The following NBR1 variants were observed in gnomAD, a reference collection of about 807,000 sequenced individuals.
NBR1 encodes next to BRCA1 gene 1 protein.
In NBR1, 59 loss-of-function variants were observed where a neutral mutation model predicts 115.5. That is an observed-to-expected ratio of 0.51 (90% confidence interval 0.41 to 0.63). The LOEUF is 0.63. NBR1 is among the 30% of genes least tolerant of loss of function. The pLI is 0.00. For missense variants in NBR1, 1,043 were observed against 1,150.5 expected (o/e 0.91, Z 1.35); for synonymous variants, 373 against 414.7 (o/e 0.90, Z 1.22).
chr17:43,191,354 G>C lies in NBR1; in HGVS notation c.864-18G>C, dbSNP rs1450996222. On this transcript the variant is annotated intron_variant, in intron 9 of 20. Coordinates refer to ENST00000590996, the MANE Select transcript of NBR1 (RefSeq NM_005899.5). ...TATTTGTGACTTTCTTTTAAGACTT[G>C]CTTTTATTATCTCACAGGCTCCAGA... 1 of 1,580,064 alleles carries C rather than the reference G, an allele frequency of 6.3e-7. No individual in the cohort carries two copies. Among genetic ancestry groups the C allele is most frequent in the Admixed American group, 1.7e-5 (1 of 57,800 alleles).
Position 43,171,310 on chromosome 17 carries a change from A to G in NBR1, c.-10+8A>G, listed in dbSNP as rs1164155858. The G allele has an allele frequency of 1.3e-5, 2 of 152,710 alleles. No homozygotes were observed. The highest frequency in any genetic ancestry group is 2.4e-5 in the African/African-American group (1 of 41,470). The allele number at this position is 152,710 out of a possible 1,614,324, so 9.5% of individuals were successfully genotyped here. ...CCCGGGGGCGGGAAGCTGGTAAGGA[A>G]GCAGCTGCGGTTACCTAGGGGTGGG... On this transcript the variant is annotated splice_region_variant and intron_variant, in intron 1 of 20. Transcript: ENST00000590996.
At chr17:43,185,308 C>G (rs899474511) in intron 5 of NBR1, among the ~76,000 whole-genome samples, 1 of 152,102 alleles carries the variant, frequency 6.6e-6, no homozygotes, top group African/African-American at 2.4e-5. Context: ...GCATAGTGAC[C>G]CAAACCTATG....
intron 16 of NBR1, among the ~76,000 whole-genome samples, chr17:43,197,751 T>A (rs1368406524): frequency 6.6e-6 from 1 of 152,182 alleles, no homozygotes; most frequent in African/African-American, 2.4e-5. Flanking sequence ...CAGAGACCCC[T>A]ATGGGTAGCT....
At chr17:43,191,613 T>C in intron 10 of NBR1, 32 bp downstream of exon 10, 1 of 1,478,412 alleles carries the variant, frequency 6.8e-7, no homozygotes, top group East Asian at 2.3e-5. Context: ...GAGCCAAAAC[T>C]TTAGGCCCAG....
intron 16 of NBR1, among the ~76,000 whole-genome samples, chr17:43,199,203 C>A (rs1292147266): frequency 1.3e-5 from 2 of 151,808 alleles, no homozygotes; most frequent in Non-Finnish European, 2.9e-5. Flanking sequence ...GTTTCCCAAG[C>A]AACTGGGACC....
intron 18 of NBR1, 132 bp from the exon 19 acceptor site, chr17:43,202,523 T>C (rs34999923): frequency 2.2e-6 from 1 of 464,230 alleles, no homozygotes; most frequent in African/African-American, 2.1e-5. Flanking sequence ...CCAAATACTT[T>C]AAAAAAAAAA....
intron 5 of NBR1, among the ~76,000 whole-genome samples, chr17:43,184,861 G>A (rs2056761947): frequency 6.6e-6 from 1 of 151,822 alleles, no homozygotes; most frequent in African/African-American, 2.4e-5. Flanking sequence ...GGAGGCTGAG[G>A]CGGCAGATCA....
intron 1 of NBR1, among the ~76,000 whole-genome samples, chr17:43,174,232 G>A (rs1490800999): frequency 1.3e-5 from 2 of 152,084 alleles, no homozygotes; most frequent in African/African-American, 4.8e-5. Context: ...AAAGAAGCTA[G>A]CTTATGGGTC....
chr17:43,187,153 T>C (rs2056822668), intron 6 of NBR1, among the ~76,000 whole-genome samples: 1 of 152,156 alleles, frequency 6.6e-6, no homozygotes, highest in African/African-American at 2.4e-5. Flanking sequence ...AAAAGCATTC[T>C]ATTTCTCCAC....
At chr17:43,188,296 CT>C (rs1242383598) in intron 6 of NBR1, among the ~76,000 whole-genome samples, 1 of 152,158 alleles carries the variant, frequency 6.6e-6, no homozygotes, top group Non-Finnish European at 1.5e-5. Context: ...CCTTTACCCA[CT>C]TTTTGATGGG....
At chr17:43,194,265 C>CA in intron 12 of NBR1, 85 bp from the exon 13 acceptor site, 1 of 1,215,304 alleles carries the variant, frequency 8.2e-7, no homozygotes, top group Non-Finnish European at 1.2e-6. Flanking sequence ...GGTACAGCAG[C>CA]GTTTTTATTT....
intron 6 of NBR1, among the ~76,000 whole-genome samples, chr17:43,187,554 G>C (rs1240535776): frequency 7.6e-6 from 1 of 131,858 alleles, no homozygotes; most frequent in African/African-American, 2.9e-5. Context: ...CTTCGCCCTG[G>C]CTGGAGTACA....
At chr17:43,175,313 C>A (rs2056482674) in intron 1 of NBR1, among the ~76,000 whole-genome samples, 1 of 152,124 alleles carries the variant, frequency 6.6e-6, no homozygotes, top group African/African-American at 2.4e-5. Flanking sequence ...TCAAGTCATA[C>A]AAGAATACAA....
chr17:43,186,456 A>C lies in NBR1; in HGVS notation c.402+12A>C. 6.5e-7 allele frequency: 1 copy of C among 1,528,248 alleles called. No homozygotes were observed. Among genetic ancestry groups the C allele is most frequent in the Non-Finnish European group, 8.7e-7 (1 of 1,144,184 alleles). 94.7% of individuals were successfully genotyped at this position (1,528,248 alleles called of 1,614,324 possible). A position where few individuals can be genotyped will look rare whatever the true frequency, so the allele number is the denominator to read the frequency against. ...ATCCTGCAGTGCAGGTATGAAGGGT[A>C]TGGCCCAGTCTATCCAATATCGTTT... is the stretch of plus-strand genomic sequence containing the variant. On this transcript the variant is annotated intron_variant, in intron 6 of 20. Transcript: ENST00000590996.
chr17:43,199,184 C>A (rs1228778501), intron 16 of NBR1, among the ~76,000 whole-genome samples: 1 of 151,890 alleles, frequency 6.6e-6, no homozygotes, highest in East Asian at 1.9e-4. Context: ...CTGGGGTCCC[C>A]CTACCTCTGT....
intron 16 of NBR1, among the ~76,000 whole-genome samples, chr17:43,198,917 C>G (rs758721123): frequency 6.6e-6 from 1 of 152,088 alleles, no homozygotes; most frequent in Non-Finnish European, 1.5e-5. Context: ...GAGCTGAGAT[C>G]ATGCTACTGC....
intron 2 of NBR1, among the ~76,000 whole-genome samples, chr17:43,176,993 A>G (rs33920795): frequency 0.32 from 48,306 of 152,020 alleles, 8,030 homozygotes; most frequent in South Asian, 0.49. Flanking sequence ...TTATTTGGCC[A>G]GGCACAGTGG....
chr17:43,201,848 C>T, intron 18 of NBR1, 68 bp downstream of exon 18: 1 of 895,366 alleles, frequency 1.1e-6, no homozygotes. Context: ...GTATAAATAG[C>T]CTCTCTCTCT....
At chr17:43,186,540 T>C in intron 6 of NBR1, 96 bp downstream of exon 6, 3 of 1,098,218 alleles carry the variant, frequency 2.7e-6, no homozygotes, top group Non-Finnish European at 3.7e-6. Context: ...TTTATTATAC[T>C]TTAAGTTCTG....
Sources: gnomAD v4.1 joint callset for allele counts (sites outside exome capture counted in the v4.1 genomes callset) on GRCh38, gnomAD v4.1.1 for gene constraint, MANE v1.5 for transcripts, NCBI Gene and HGNC (gene_info 2026-07-23, HGNC 2026-07-21) for gene names.